Variants in LRRC75A observed in about 807,000 individuals in gnomAD.
The protein encoded by LRRC75A is leucine rich repeat containing 75A.
In LRRC75A, 12 loss-of-function variants were observed where a neutral mutation model predicts 26.0. The observed-to-expected ratio is 0.46, with a 90% confidence interval of 0.30 to 0.75. The LOEUF (loss-of-function observed/expected upper bound fraction) is 0.75, where lower values mean the gene tolerates loss of function less well. LRRC75A is among the 30% of genes least tolerant of loss of function. The probability of loss-of-function intolerance (pLI) is 0.08; values close to 1 mark genes in which losing one functional copy is unlikely to be tolerated. For synonymous variants in LRRC75A, 223 were observed against 219.3 expected (o/e 1.02, Z -0.15); for missense variants, 410 against 486.6 (o/e 0.84, Z 1.48).
intron 1 of LRRC75A, among the ~76,000 whole-genome samples, chr17:16,490,238 G>A (rs564907844): frequency 6.6e-5 from 10 of 152,336 alleles, no homozygotes; most frequent in African/African-American, 2.4e-4. Context: ...GGGGGAAACA[G>A]CATGTGATCA....
chr17:16,462,338 C>T lies in LRRC75A; in HGVS notation c.295G>A (p.Ala99Thr). ...TSLDDVLYRY[A>T]SFRNLVDPIT... ...GGGTCCACCAGGTTCCGGAAGCTGG[C>T]GTAGCGATACAGAACGTCGTCTAGC... Residue 99 changes from alanine (A) to threonine (T), a missense_variant, in exon 2 of 4, where the codon GCC (alanine) becomes ACC (threonine). Coordinates refer to ENST00000470794, the MANE Select transcript of LRRC75A (RefSeq NM_001113567.3). This position sits in a 1 kb window ranked among gnomAD's most constrained non-coding sequence, Gnocchi z 4.6. 4 of 1,614,150 alleles carry T rather than the reference C, an allele frequency of 2.5e-6. No homozygotes were observed. Among genetic ancestry groups the T allele is most frequent in the East Asian group, 2.2e-5 (1 of 44,886 alleles).
Position 16,462,794 on chromosome 17 carries a change from T to A in LRRC75A, c.247-408A>T. 1 of 182,346 alleles carries A rather than the reference T, an allele frequency of 5.5e-6. No homozygotes were observed. Among genetic ancestry groups the A allele is most frequent in the South Asian group, 1.2e-4 (1 of 8,596 alleles). 11.3% of individuals were successfully genotyped at this position (182,346 alleles called of 1,614,324 possible). A position where few individuals can be genotyped will look rare whatever the true frequency, so the allele number is the denominator to read the frequency against. ...TTTAATGATATTTATTTGTGTTTTC[T>A]TCCTGCTTCTGACGTTGTTTTTACT... On this transcript the variant is annotated intron_variant, in intron 1 of 3. Coordinates refer to ENST00000470794, the MANE Select transcript of LRRC75A (RefSeq NM_001113567.3). This position sits in a 1 kb window ranked among gnomAD's most constrained non-coding sequence, Gnocchi z 4.6.
At position 16,443,521 on chromosome 17, in the gene LRRC75A, C is replaced by T. The variant is rs563851623; in HGVS notation, c.*67G>A. The T allele has an allele frequency of 1.5e-4, 215 of 1,392,258 alleles. 2 individuals are homozygous for T. The South Asian group carries it at 2.5e-3, about 16-fold the overall frequency. The allele number at this position is 1,392,258 out of a possible 1,614,324, so 86.2% of individuals were successfully genotyped here. On this transcript the variant is annotated 3_prime_UTR_variant, in exon 4 of 4. Transcript: ENST00000470794. ...CTTAACCCACCTGATAGGAGAAGCG[C>T]CCTCCCCTGCCTGCCTTGCCCATTC...
At chr17:16,457,349 C>G (rs771126054) in intron 2 of LRRC75A, among the ~76,000 whole-genome samples, 11 of 152,328 alleles carry the variant, frequency 7.2e-5, no homozygotes, top group Non-Finnish European at 1.0e-4. Context: ...CCACTCTGCC[C>G]TTCTCTGCTC....
At chr17:16,468,205 C>T (rs1031389059) in intron 1 of LRRC75A, among the ~76,000 whole-genome samples, 3 of 152,236 alleles carry the variant, frequency 2.0e-5, no homozygotes, top group Admixed American at 6.5e-5. Flanking sequence ...AGCAATTCCA[C>T]TCTTGGGAAT....
intron 2 of LRRC75A, 171 bp from the exon 3 acceptor site, chr17:16,448,131 C>T (rs1601080223): frequency 3.1e-6 from 2 of 642,320 alleles, no homozygotes; most frequent in Non-Finnish European, 5.7e-6. Flanking sequence ...TGGCTGCAAA[C>T]AGATCTGCAG....
intron 2 of LRRC75A, among the ~76,000 whole-genome samples, chr17:16,450,513 C>G (rs1473250611): frequency 6.6e-6 from 1 of 151,996 alleles, no homozygotes; most frequent in Non-Finnish European, 1.5e-5. Flanking sequence ...TGTATCACAC[C>G]TGTGTGTTAC....
At chr17:16,485,631 AGTGTGTGTGTGTGTGTGT>A (rs35125617) in intron 1 of LRRC75A, among the ~76,000 whole-genome samples, 5 of 128,402 alleles carry the variant, frequency 3.9e-5, no homozygotes, top group South Asian at 5.2e-4. Flanking sequence ...CAGGACAAGC[AGTGTGTGTGTGTGTGTGT>A]GTGTGTGTGT....
At chr17:16,461,608 G>A (rs1187280451) in intron 2 of LRRC75A, among the ~76,000 whole-genome samples, 1 of 152,232 alleles carries the variant, frequency 6.6e-6, no homozygotes, top group Non-Finnish European at 1.5e-5. Context: ...GGGCCAGTAG[G>A]AAGAAGACAT....
At chr17:16,463,445 C>T (rs1424463959) in intron 1 of LRRC75A, 1 of 152,304 alleles carries the variant, frequency 6.6e-6, no homozygotes, top group Admixed American at 6.5e-5. Flanking sequence ...CATTCCCATC[C>T]GGAGACTGTC....
chr17:16,458,943 G>A (rs2093706587), intron 2 of LRRC75A, among the ~76,000 whole-genome samples: 1 of 152,188 alleles, frequency 6.6e-6, no homozygotes, highest in African/African-American at 2.4e-5. Context: ...TTGCTATATG[G>A]CAATGGATAA....
At chr17:16,489,909 A>G (rs1011797370) in intron 1 of LRRC75A, among the ~76,000 whole-genome samples, 1 of 141,262 alleles carries the variant, frequency 7.1e-6, no homozygotes, top group Admixed American at 7.0e-5. Context: ...TGAGGCGGGT[A>G]CCAGGACACC....
intron 1 of LRRC75A, among the ~76,000 whole-genome samples, chr17:16,464,724 G>C (rs888878648): frequency 6.6e-6 from 1 of 152,242 alleles, no homozygotes; most frequent in Non-Finnish European, 1.5e-5. Flanking sequence ...TGAGCACACA[G>C]AGTCCACACT....
Position 16,471,021 on chromosome 17 carries a change from ACATGCCCATGCGCTTGTGCC to A in LRRC75A, c.247-8655_247-8636del, listed in dbSNP as rs533036255. Among the ~76,000 whole-genome samples, 375 of 152,294 alleles carry A rather than the reference ACATGCCCATGCGCTTGTGCC, an allele frequency of 2.5e-3. 2 individuals carry two copies. Among genetic ancestry groups the A allele is most frequent in the Non-Finnish European group, 3.4e-3 (228 of 68,032 alleles). On this transcript the variant is annotated intron_variant, in intron 1 of 3. Transcript: ENST00000470794. ...TGGGATGAATGGTGGCCCCCAAAAG[ACATGCCCATGCGCTTGTGCC>A]CAGAAACTGTGAATGTGACCTCATT...
intron 1 of LRRC75A, among the ~76,000 whole-genome samples, chr17:16,474,111 C>CAT (rs929710814): frequency 1.3e-5 from 2 of 152,172 alleles, no homozygotes; most frequent in Admixed American, 6.5e-5. Flanking sequence ...CGCATCAAGC[C>CAT]ATATGAAGGG....
At chr17:16,452,004 C>T (rs2093635821) in intron 2 of LRRC75A, among the ~76,000 whole-genome samples, 1 of 150,374 alleles carries the variant, frequency 6.7e-6, no homozygotes, top group Admixed American at 6.6e-5. Flanking sequence ...GCCTCGGCCT[C>T]CCATTACAGG....
chr17:16,451,566 G>A (rs1349476649), intron 2 of LRRC75A, among the ~76,000 whole-genome samples: 2 of 150,652 alleles, frequency 1.3e-5, no homozygotes, highest in East Asian at 4.0e-4. Context: ...AGGTTACAGT[G>A]AGCCGAGATC....
chr17:16,469,239 T>C (rs1309985347), intron 1 of LRRC75A, among the ~76,000 whole-genome samples: 1 of 152,244 alleles, frequency 6.6e-6, no homozygotes, highest in African/African-American at 2.4e-5. Context: ...AGAAGGATTG[T>C]AAGTCGCCTA....
intron 1 of LRRC75A, chr17:16,478,476 G>A (rs554749317): frequency 6.6e-6 from 1 of 152,312 alleles, no homozygotes; most frequent in Admixed American, 6.5e-5. Flanking sequence ...GTGAGCCGCT[G>A]TGCCTGGCCT....
Sources: allele counts gnomAD v4.1 joint callset (sites outside exome capture counted in the v4.1 genomes callset), GRCh38; gene constraint gnomAD v4.1.1; non-coding constraint Gnocchi (gnomAD v3.1); transcripts MANE v1.5; gene names NCBI Gene and HGNC (gene_info 2026-07-23, HGNC 2026-07-21).